The following GLIS3 variants were observed in gnomAD, a reference collection of about 807,000 sequenced individuals.
GLIS3 encodes the protein zinc finger protein GLIS3.
Under a neutral mutation model 78.6 loss-of-function variants are expected in GLIS3, and 53 were observed. The ratio of observed to expected loss-of-function variants is 0.67; its 90% CI spans 0.54 to 0.85. The LOEUF is 0.85. Ranked by LOEUF, GLIS3 falls within the 40% of genes least tolerant of loss-of-function variation. The pLI, the probability that GLIS3 is intolerant of heterozygous loss-of-function variation, is 0.00. For synonymous variants in GLIS3, 684 were observed against 509.9 expected (o/e 1.34, Z -4.60); for missense variants, 1,703 against 1,231.1 (o/e 1.38, Z -5.74).
chr9:4,260,097 A>G (rs2129999277), intron 2 of GLIS3, among the ~76,000 whole-genome samples: 1 of 152,302 alleles, frequency 6.6e-6, no homozygotes, highest in South Asian at 2.1e-4. Context: ...CTTCAGGCCA[A>G]ATCCCCATAC....
the GLIS3 span, among the ~76,000 whole-genome samples, chr9:4,374,061 T>A: frequency 6.6e-6 from 1 of 152,216 alleles, no homozygotes; most frequent in South Asian, 2.1e-4. Context: ...ACGAATGGAA[T>A]AGGTAATGGT....
chr9:4,159,016 T>C (rs1182715691), intron 2 of GLIS3, among the ~76,000 whole-genome samples: 1 of 90,178 alleles, frequency 1.1e-5, no homozygotes, highest in Admixed American at 1.5e-4. Context: ...CTTGGTATGC[T>C]AGAGAAAGGA....
chr9:4,367,791 G>C, the GLIS3 span, among the ~76,000 whole-genome samples: 1 of 152,002 alleles, frequency 6.6e-6, no homozygotes, highest in Non-Finnish European at 1.5e-5. Flanking sequence ...AAAAAAAGAA[G>C]AGACATTTAT....
rs555463255 is a variant in GLIS3 at position 4,182,564 on chromosome 9, T to A, written c.389-56623A>T. ...AAAGATGATGAGAAAGCATGGGGAGTTGTGGGTATCACCACAAACATCTTG... is the reference window on the plus strand; with the variant it reads ...AAAGATGATGAGAAAGCATGGGGAGATGTGGGTATCACCACAAACATCTTG... On this transcript the variant is annotated intron_variant, in intron 2 of 10. Coordinates refer to ENST00000381971, the MANE Select transcript of GLIS3 (RefSeq NM_001042413.2). Among the ~76,000 whole-genome samples the A allele has an allele frequency of 1.8e-4, 27 of 151,836 alleles. No homozygotes were observed. In the East Asian group the frequency reaches 5.0e-3, roughly 28 times the overall value.
chr9:4,213,115 T>C (rs1820519027), intron 2 of GLIS3, among the ~76,000 whole-genome samples: 1 of 152,188 alleles, frequency 6.6e-6, no homozygotes, highest in African/African-American at 2.4e-5. Flanking sequence ...TCCTTAGGCC[T>C]TGGTATAAAA....
intron 4 of GLIS3, among the ~76,000 whole-genome samples, chr9:4,092,962 T>A (rs537443878): frequency 2.6e-5 from 4 of 152,296 alleles, no homozygotes; most frequent in South Asian, 2.1e-4. Flanking sequence ...GAATAATGAA[T>A]TGCTCCATGA....
At chr9:4,076,355 G>A (rs1828053090) in intron 4 of GLIS3, among the ~76,000 whole-genome samples, 1 of 152,118 alleles carries the variant, frequency 6.6e-6, no homozygotes, top group Non-Finnish European at 1.5e-5. Context: ...TCAGAGGAAG[G>A]GAAACTGTGA....
At chr9:4,203,276 G>C (rs1819567870) in intron 2 of GLIS3, among the ~76,000 whole-genome samples, 1 of 152,170 alleles carries the variant, frequency 6.6e-6, no homozygotes, top group Non-Finnish European at 1.5e-5. Flanking sequence ...TAATGAGGTA[G>C]CATCTCACAC....
chr9:4,261,812 C>A (rs114390181), intron 2 of GLIS3, among the ~76,000 whole-genome samples: 176 of 152,310 alleles, frequency 1.2e-3, no homozygotes, highest in African/African-American at 4.0e-3. Context: ...CCTTTTCACT[C>A]TCTTATCTTG....
chr9:4,340,492 C>A (rs1817818877), intron 2 of GLIS3, among the ~76,000 whole-genome samples: 1 of 152,110 alleles, frequency 6.6e-6, no homozygotes, highest in Admixed American at 6.5e-5. Flanking sequence ...CAGGATGCAT[C>A]CTCCATCCCT....
At chr9:4,279,028 A>G (rs967685845) in intron 2 of GLIS3, among the ~76,000 whole-genome samples, 4 of 152,148 alleles carry the variant, frequency 2.6e-5, no homozygotes, top group African/African-American at 9.7e-5. Context: ...GTGGCTGGGC[A>G]CGGTGGCTCA....
At chr9:4,208,227 C>G (rs1820054514) in intron 2 of GLIS3, among the ~76,000 whole-genome samples, 1 of 152,208 alleles carries the variant, frequency 6.6e-6, no homozygotes, top group South Asian at 2.1e-4. Flanking sequence ...TATACGACAA[C>G]AAGTAGACAT....
At chr9:4,343,839 T>C (rs546093692) in intron 2 of GLIS3, among the ~76,000 whole-genome samples, 4 of 152,240 alleles carry the variant, frequency 2.6e-5, no homozygotes, top group Admixed American at 2.0e-4. Flanking sequence ...CCACATGTTC[T>C]CACTTACAAG....
At chr9:4,174,372 T>C (rs1357856476) in intron 2 of GLIS3, among the ~76,000 whole-genome samples, 1 of 152,128 alleles carries the variant, frequency 6.6e-6, no homozygotes, top group Non-Finnish European at 1.5e-5. Context: ...AATTCACCGA[T>C]TTTTTAAAAA....
chr9:3,887,920 A>G (rs993442050), intron 7 of GLIS3, among the ~76,000 whole-genome samples: 5 of 152,198 alleles, frequency 3.3e-5, no homozygotes, highest in Non-Finnish European at 5.9e-5. Flanking sequence ...CAAGCAATGC[A>G]TGACACAGCT....
At chr9:3,925,928 T>G (rs1825189574) in intron 6 of GLIS3, among the ~76,000 whole-genome samples, 4 of 152,318 alleles carry the variant, frequency 2.6e-5, no homozygotes, top group African/African-American at 9.6e-5. Context: ...TGCTTAGAGT[T>G]GCAGTTTCCA....
the GLIS3 span, among the ~76,000 whole-genome samples, chr9:4,436,631 C>A: frequency 6.6e-6 from 1 of 151,866 alleles, no homozygotes; most frequent in African/African-American, 2.4e-5. Context: ...ATGATGAAAT[C>A]CTTTCTCTAC....
At chr9:4,263,033 G>A (rs910683861) in intron 2 of GLIS3, among the ~76,000 whole-genome samples, 1 of 151,688 alleles carries the variant, frequency 6.6e-6, no homozygotes, top group African/African-American at 2.4e-5. Flanking sequence ...GGCAAGGCTA[G>A]AATGTTTCCA....
intron 2 of GLIS3, among the ~76,000 whole-genome samples, chr9:4,177,365 G>A (rs1034133492): frequency 3.3e-5 from 5 of 152,134 alleles, no homozygotes; most frequent in African/African-American, 1.2e-4. Flanking sequence ...CCTAGACCTT[G>A]CCATTAACTA....
Sources: allele counts gnomAD v4.1 joint callset (sites outside exome capture counted in the v4.1 genomes callset), GRCh38; gene constraint gnomAD v4.1.1; transcripts MANE v1.5; gene names NCBI Gene and HGNC (gene_info 2026-07-23, HGNC 2026-07-21).